DPEP1: variants seen among roughly 807,000 people sequenced by gnomAD.
DPEP1 encodes beta-lactamase.
A neutral mutation model predicts 42.3 loss-of-function variants in DPEP1; 50 were observed. The observed-to-expected ratio is 1.18, with a 90% CI of 0.94 to 1.50. The LOEUF (loss-of-function observed/expected upper bound fraction) is 1.50. DPEP1 is among the 40% of genes most tolerant of loss of function. DPEP1 has a pLI of 0.00. For missense variants in DPEP1, 663 were observed against 553.0 expected (o/e 1.20, Z -1.99); for synonymous variants, 297 against 234.0 (o/e 1.27, Z -2.46).
intron 2 of DPEP1, among the ~76,000 whole-genome samples, chr16:89,634,524 C>T (rs981500866): frequency 6.1e-5 from 9 of 147,690 alleles, no homozygotes; most frequent in Non-Finnish European, 2.9e-5. Flanking sequence ...CCTTCCTCTG[C>T]GTTCCCCTTC....
downstream of DPEP1, among the ~76,000 whole-genome samples, chr16:89,641,053 G>A (rs1053966607): frequency 6.6e-6 from 1 of 152,172 alleles, no homozygotes; most frequent in African/African-American, 2.4e-5. Context: ...GACAGCTTAC[G>A]CCATTATTTC....
chr16:89,616,104 G>T (rs146344215), intron 1 of DPEP1, among the ~76,000 whole-genome samples: 262 of 151,108 alleles, frequency 1.7e-3, no homozygotes, highest in African/African-American at 6.1e-3. Flanking sequence ...AATTTAAAAT[G>T]CTCCCTGAAC....
chr16:89,636,815 G>A (rs765522576), intron 5 of DPEP1, 51 bp from the exon 6 acceptor site: 5 of 1,608,834 alleles, frequency 3.1e-6, no homozygotes, highest in Non-Finnish European at 3.4e-6. Flanking sequence ...GGGCTGATGG[G>A]AGGCCGAGAC....
In DPEP1 at chr16:89,637,344, C is replaced by A. The variant is rs2151503468; in HGVS notation, c.732C>A (p.Ser244Arg). ...SHSSAYSVCA[S>R]RRNVPDDVLR... ...CCTCGGCCTACAGCGTGTGCGCAAG[C>A]CGGCGCAACGTGCCTGACGACGTCC... The change falls in exon 7 of 11, where the codon AGC (serine) becomes AGA (arginine). Residue 244 changes from serine (S) to arginine (R), a missense_variant. Coordinates refer to ENST00000690203, the MANE Select transcript of DPEP1 (RefSeq NM_001389466.1). 6.2e-7 allele frequency: 1 copy of A among 1,612,388 alleles called. No homozygotes were observed. The highest frequency in any genetic ancestry group is 1.1e-5 in the South Asian group (1 of 91,076).
rs187161584 is a variant in DPEP1 at position 89,637,097 on chromosome 16, C to T, written c.592-107C>T. ...GTGGGTGCTGAGCCCTGAGTGGCCC[C>T]GGACTTCCAGCCACGAAGGATGATG... is the stretch of plus-strand genomic sequence containing the variant. On this transcript the variant is annotated intron_variant, in intron 6 of 10. Transcript: ENST00000690203. 169 of 1,531,752 alleles carry T rather than the reference C, an allele frequency of 1.1e-4. No individual in the cohort carries two copies. The African/African-American group carries it at 1.2e-3, about 11-fold the overall frequency. 94.9% of individuals were successfully genotyped at this position (1,531,752 alleles called of 1,614,324 possible).
intron 1 of DPEP1, among the ~76,000 whole-genome samples, chr16:89,622,904 G>T (rs979475637): frequency 1.3e-5 from 2 of 152,192 alleles, no homozygotes; most frequent in African/African-American, 2.4e-5. Context: ...GGACTAGGGG[G>T]CCTCACTGGG....
intron 2 of DPEP1, among the ~76,000 whole-genome samples, chr16:89,631,228 C>A (rs151022378): frequency 6.6e-6 from 1 of 152,142 alleles, no homozygotes; most frequent in Non-Finnish European, 1.5e-5. Context: ...GCTGTGTGCC[C>A]ACCCGGCCCC....
Position 89,637,704 on chromosome 16 carries a change from C to A in DPEP1, c.926C>A (p.Pro309Gln). The change falls in exon 9 of 11, where the codon CCA becomes CAA. Residue 309 changes from proline to glutamine, a missense_variant. Coordinates refer to ENST00000690203, the MANE Select transcript of DPEP1 (RefSeq NM_001389466.1). ...VGFGGDFDGV[P>Q]RVPEGLEDVS... Reference sequence around the variant, plus strand: ...TTTGGTGGGGACTTTGATGGTGTTCCAAGGTAAGGGGCTGAGAGCTCTGTC... The same window carrying A: ...TTTGGTGGGGACTTTGATGGTGTTCAAAGGTAAGGGGCTGAGAGCTCTGTC... 6.2e-7 allele frequency: 1 copy of A among 1,612,944 alleles called. No homozygotes were observed. Among genetic ancestry groups the A allele is most frequent in the Non-Finnish European group, 8.5e-7 (1 of 1,179,950 alleles).
At position 89,613,769 on chromosome 16, in the gene DPEP1, G is replaced by C. The variant is rs377467701; in HGVS notation, c.-107+50G>C. 3.4e-3 allele frequency: 536 copies of C among 155,824 alleles called. 6 individuals are homozygous for C. The highest frequency in any genetic ancestry group is 0.017 in the South Asian group (97 of 5,604). The allele number at this position is 155,824 out of a possible 1,614,324, so 9.7% of individuals were successfully genotyped here. A position where few individuals can be genotyped will look rare whatever the true frequency, so the allele number is the denominator to read the frequency against. On this transcript the variant is annotated intron_variant, in intron 1 of 10. Coordinates refer to ENST00000690203, the MANE Select transcript of DPEP1 (RefSeq NM_001389466.1). ...GCCAGGGTACTGGGGTGCCCACCTGGGGTGGTGCAGGCCCGGGGACCCCAG... is the reference window on the plus strand; with the variant it reads ...GCCAGGGTACTGGGGTGCCCACCTGCGGTGGTGCAGGCCCGGGGACCCCAG...
At chr16:89,641,070 G>A (rs1326482643), downstream of DPEP1, among the ~76,000 whole-genome samples, 1 of 152,198 alleles carries the variant, frequency 6.6e-6, no homozygotes, top group African/African-American at 2.4e-5. Flanking sequence ...TTTCTTCTAT[G>A]CATTTCAAAG....
At chr16:89,621,871 G>C (rs1195407080) in intron 1 of DPEP1, among the ~76,000 whole-genome samples, 1 of 152,178 alleles carries the variant, frequency 6.6e-6, no homozygotes. Context: ...ATCTGTGTGT[G>C]GGGGGCGTGG....
At chr16:89,617,776 C>T (rs530290626) in intron 1 of DPEP1, among the ~76,000 whole-genome samples, 10 of 152,122 alleles carry the variant, frequency 6.6e-5, no homozygotes, top group South Asian at 2.1e-4. Context: ...GTAATCCCAG[C>T]GCTGTGGGAG....
In DPEP1 at chr16:89,627,043, C is replaced by T. The variant is rs192562384; in HGVS notation, c.-106-3262C>T. ...TTGGGAGGCCGAGGCGGGCGGATCA[C>T]GAGGTCAGGAGATCGAGACCATCCT... On this transcript the variant is annotated intron_variant, in intron 1 of 10. Transcript: ENST00000690203. Among the ~76,000 whole-genome samples the T allele has an allele frequency of 2.8e-5, 4 of 144,716 alleles. No individual in the cohort carries two copies. The East Asian group carries it at 6.5e-4, about 23-fold the overall frequency. The allele number at this position is 144,716 out of a possible 152,430, so 94.9% of individuals were successfully genotyped here.
chr16:89,633,120 A>G (rs4785580), intron 2 of DPEP1, among the ~76,000 whole-genome samples: 69,443 of 151,726 alleles, frequency 0.46, 16,125 homozygotes, highest in Middle Eastern at 0.65. Context: ...GCCCAGCCCC[A>G]CCCAGGACAG....
downstream of DPEP1, among the ~76,000 whole-genome samples, chr16:89,638,816 CACCCCACCCCTGCACACACACACAT>C: frequency 1.2e-5 from 1 of 84,442 alleles, no homozygotes; most frequent in South Asian, 4.8e-4. Context: ...TGCACACACA[CACCCCACCCCTGCACACACACACAT>C]ACCCCACCCC....
intron 1 of DPEP1, among the ~76,000 whole-genome samples, chr16:89,624,081 A>T (rs552796636): frequency 1.3e-5 from 2 of 152,260 alleles, no homozygotes; most frequent in Admixed American, 1.3e-4. Flanking sequence ...GAAACTACTG[A>T]TGAGGGCAGA....
At chr16:89,626,843 C>T (rs1303980641) in intron 1 of DPEP1, among the ~76,000 whole-genome samples, 4 of 151,712 alleles carry the variant, frequency 2.6e-5, no homozygotes, top group Non-Finnish European at 4.4e-5. Context: ...CTTGGCCAGG[C>T]GCGGTGGCTC....
chr16:89,614,571 G>C (rs1369299789), intron 1 of DPEP1, among the ~76,000 whole-genome samples: 9 of 152,166 alleles, frequency 5.9e-5, no homozygotes, highest in African/African-American at 2.2e-4. Context: ...GAGGTGGGCA[G>C]ATCATGAGGT....
chr16:89,641,036 G>A (rs576637700), downstream of DPEP1, among the ~76,000 whole-genome samples: 1 of 152,354 alleles, frequency 6.6e-6, no homozygotes, highest in East Asian at 1.9e-4. Context: ...GGCGGAGAGA[G>A]AGAGAGGACA....
Sources: gnomAD v4.1 joint callset for allele counts (sites outside exome capture counted in the v4.1 genomes callset) on GRCh38, gnomAD v4.1.1 for gene constraint, MANE v1.5 for transcripts, NCBI Gene and HGNC (gene_info 2026-07-23, HGNC 2026-07-21) for gene names.